Variants in MTUS1 observed in about 807,000 individuals in gnomAD.
The protein encoded by MTUS1 is microtubule associated scaffold protein 1.
In MTUS1, 109 loss-of-function variants were observed where a neutral mutation model predicts 120.8. The ratio of observed to expected loss-of-function variants is 0.90; its 90% CI spans 0.77 to 1.06. The LOEUF is 1.06. MTUS1 is among the 50% of genes least tolerant of loss of function. MTUS1 has a pLI of 0.00. For missense variants in MTUS1, 2,210 were observed against 1,486.3 expected (o/e 1.49, Z -8.01); for synonymous variants, 737 against 550.5 (o/e 1.34, Z -4.74).
In MTUS1 at chr8:17,743,681, C is replaced by T. The variant is rs746869619; in HGVS notation, c.2210G>A (p.Arg737Lys). 6.2e-7 allele frequency: 1 copy of T among 1,614,162 alleles called. No homozygotes were observed. The highest frequency in any genetic ancestry group is 1.1e-5 in the South Asian group (1 of 91,072). ...GGGATTTCTATTGTCACTGTTCCGC[C>T]TCAAACAGGAAACAGGGGGCCCCAC... Reference protein sequence around the residue: ...AKVGPPVSCLRRNSDNRNPSA... With the variant: ...AKVGPPVSCLKRNSDNRNPSA... The change falls in exon 3 of 15, where the codon AGG (arginine) becomes AAG (lysine). Residue 737 changes from arginine (R) to lysine (K), a missense_variant. By Grantham distance (26) the Arg-to-Lys change is conservative. Coordinates refer to ENST00000693296, the MANE Select transcript of MTUS1 (RefSeq NM_001363059.2).
At chr8:17,646,610 G>C (rs1353760377) in intron 14 of MTUS1, among the ~76,000 whole-genome samples, 1 of 152,034 alleles carries the variant, frequency 6.6e-6, no homozygotes, top group Non-Finnish European at 1.5e-5. Flanking sequence ...AATAATAACT[G>C]TACTTTTTGG....
intron 1 of MTUS1, among the ~76,000 whole-genome samples, chr8:17,765,200 T>A (rs914557392): frequency 2.0e-5 from 3 of 152,182 alleles, no homozygotes; most frequent in Non-Finnish European, 4.4e-5. Context: ...CAGGCACTAA[T>A]GCAAGCGATG....
intron 5 of MTUS1, among the ~76,000 whole-genome samples, chr8:17,715,342 T>C (rs1430634264): frequency 2.6e-5 from 4 of 152,076 alleles, no homozygotes; most frequent in Admixed American, 6.6e-5. Flanking sequence ...GTGAGGGATA[T>C]GAGAAGGAAC....
At chr8:17,666,593 G>A (rs1286433916) in intron 8 of MTUS1, among the ~76,000 whole-genome samples, 1 of 152,172 alleles carries the variant, frequency 6.6e-6, no homozygotes, top group African/African-American at 2.4e-5. Flanking sequence ...TAAAAGTGCA[G>A]ATTCCTCCTC....
intron 1 of MTUS1, among the ~76,000 whole-genome samples, chr8:17,786,393 A>C (rs2131555363): frequency 6.6e-6 from 1 of 152,106 alleles, no homozygotes; most frequent in Non-Finnish European, 1.5e-5. Context: ...TCTCAGATAA[A>C]AGCTCTTCAA....
chr8:17,736,094 C>A (rs893466369), intron 3 of MTUS1, among the ~76,000 whole-genome samples: 2 of 152,158 alleles, frequency 1.3e-5, no homozygotes, highest in Admixed American at 1.3e-4. Context: ...CACAGAGCAG[C>A]GACTCTAAGC....
intron 5 of MTUS1, 76 bp downstream of exon 5, chr8:17,715,691 T>A: frequency 7.0e-7 from 1 of 1,423,248 alleles, no homozygotes; most frequent in Non-Finnish European, 9.5e-7. Context: ...AACCTAATTG[T>A]CAAAATTTAA....
At chr8:17,759,075 G>C (rs1051222931) in intron 1 of MTUS1, among the ~76,000 whole-genome samples, 1 of 151,670 alleles carries the variant, frequency 6.6e-6, no homozygotes, top group Admixed American at 6.6e-5. Context: ...TAGAGATGGT[G>C]TTCCACTGTG....
At chr8:17,745,619 T>C (rs1246235132) in intron 2 of MTUS1, among the ~76,000 whole-genome samples, 2 of 152,242 alleles carry the variant, frequency 1.3e-5, no homozygotes, top group Non-Finnish European at 2.9e-5. Context: ...TACCCATTAG[T>C]GAGAGTGTAC....
chr8:17,705,464 C>CTAA (rs1819969988), intron 6 of MTUS1, among the ~76,000 whole-genome samples: 1 of 152,178 alleles, frequency 6.6e-6, no homozygotes, highest in Non-Finnish European at 1.5e-5. Flanking sequence ...CTAGCTCCTG[C>CTAA]TAAAAAGGTA....
In MTUS1 at chr8:17,749,456, C is replaced by G. The variant is rs188886951; in HGVS notation, c.2091+4261G>C. Among the ~76,000 whole-genome samples, 12 of 151,846 alleles carry G rather than the reference C, an allele frequency of 7.9e-5. No individual in the cohort carries two copies. The South Asian group carries it at 2.5e-3, about 32-fold the overall frequency. ...GGCAGATCACATGAGGCCAGGAGTT[C>G]GAGACCGGCCTGGCCAACATGAGGA... On this transcript the variant is annotated intron_variant, in intron 2 of 14. Coordinates refer to ENST00000693296, the MANE Select transcript of MTUS1 (RefSeq NM_001363059.2).
intron 1 of MTUS1, among the ~76,000 whole-genome samples, chr8:17,777,393 C>G (rs1305619112): frequency 6.6e-6 from 1 of 150,800 alleles, no homozygotes; most frequent in Non-Finnish European, 1.5e-5. Context: ...GAGTTGAGAT[C>G]ACACCACTGT....
In MTUS1 at chr8:17,664,333, A is replaced by T. The variant is rs191688177; in HGVS notation, c.2906-8268T>A. Among the ~76,000 whole-genome samples, 13 of 152,334 alleles carry T rather than the reference A, an allele frequency of 8.5e-5. No individual in the cohort carries two copies. In the South Asian group the frequency reaches 2.5e-3, roughly 29 times the overall value. ...GCCAGGCAAATTTTCATAGCGCCAC[A>T]TAAGAGAATACCATAGAAAGAAGAG... On this transcript the variant is annotated intron_variant, in intron 8 of 14. Coordinates refer to ENST00000693296, the MANE Select transcript of MTUS1 (RefSeq NM_001363059.2).
rs2046435449 is a variant in MTUS1 at position 17,729,738 on chromosome 8, C to T, written c.2288-5905G>A. Among the ~76,000 whole-genome samples, 3 of 151,592 alleles carry T rather than the reference C, an allele frequency of 2.0e-5. 1 individual carries two copies. The South Asian group carries it at 6.2e-4, about 32-fold the overall frequency. On this transcript the variant is annotated intron_variant, in intron 3 of 14. Transcript: ENST00000693296. ...AATTTTTAAAACATGTTAAAGTAAT[C>T]TAGAATAATTAAGAATAGCCAAAAA...
intron 6 of MTUS1, among the ~76,000 whole-genome samples, chr8:17,698,106 C>G (rs1182045955): frequency 6.6e-6 from 1 of 152,118 alleles, no homozygotes; most frequent in South Asian, 2.1e-4. Context: ...TTCCCACATG[C>G]TGAGGACCTC....
intron 6 of MTUS1, among the ~76,000 whole-genome samples, chr8:17,687,999 C>A (rs904665912): frequency 6.6e-6 from 1 of 152,162 alleles, no homozygotes; most frequent in African/African-American, 2.4e-5. Context: ...ATGGACTAAC[C>A]GTAACCACAT....
chr8:17,719,151 C>A (rs777591486), intron 4 of MTUS1, among the ~76,000 whole-genome samples: 38 of 152,060 alleles, frequency 2.5e-4, no homozygotes, highest in Non-Finnish European at 3.5e-4. Context: ...GCCTGGGCAA[C>A]AGAGTGAGAC....
Position 17,776,096 on chromosome 8 carries a change from T to G in MTUS1, c.-154-20135A>C, listed in dbSNP as rs17125345. On this transcript the variant is annotated intron_variant, in intron 1 of 14. Coordinates refer to ENST00000693296, the MANE Select transcript of MTUS1 (RefSeq NM_001363059.2). Reference sequence around the variant, plus strand: ...CATGGTGCTGAGTGGTCTTTCAAACTTGCTTGTATTTACAGTCAGCCAACT... The same window carrying G: ...CATGGTGCTGAGTGGTCTTTCAAACGTGCTTGTATTTACAGTCAGCCAACT... Among the ~76,000 whole-genome samples, 1,505 of 152,236 alleles carry G rather than the reference T, an allele frequency of 9.9e-3. 28 individuals carry two copies. Among genetic ancestry groups the G allele is most frequent in the African/African-American group, 0.034 (1,403 of 41,546 alleles).
At chr8:17,657,186 A>G (rs1326810821) in intron 8 of MTUS1, among the ~76,000 whole-genome samples, 1 of 152,194 alleles carries the variant, frequency 6.6e-6, no homozygotes, top group Non-Finnish European at 1.5e-5. Flanking sequence ...GCAAATCACC[A>G]GAGCACAAAT....
Sources: gnomAD v4.1 joint callset for allele counts (sites outside exome capture counted in the v4.1 genomes callset) on GRCh38, gnomAD v4.1.1 for gene constraint, MANE v1.5 for transcripts, NCBI Gene and HGNC (gene_info 2026-07-23, HGNC 2026-07-21) for gene names.